The following SLC4A4 variants were observed in gnomAD, a reference collection of about 807,000 sequenced individuals.
SLC4A4 encodes electrogenic sodium bicarbonate cotransporter 1.
In SLC4A4, 27 loss-of-function variants were observed where a neutral mutation model predicts 111.5. The ratio of observed to expected loss-of-function variants is 0.24; its 90% CI spans 0.18 to 0.33. The LOEUF is 0.33. Ranked by LOEUF, SLC4A4 falls within the 10% of genes least tolerant of loss-of-function variation. SLC4A4 has a pLI of 1.00. For synonymous variants in SLC4A4, 443 were observed against 463.4 expected (o/e 0.96, Z 0.57); for missense variants, 909 against 1,315.5 (o/e 0.69, Z 4.78).
chr4:71,199,785 G>T (rs961263455), intron 1 of SLC4A4, among the ~76,000 whole-genome samples: 12 of 152,162 alleles, frequency 7.9e-5, no homozygotes, highest in Admixed American at 2.0e-4. Flanking sequence ...TGAGTAGCTG[G>T]GACTACAGGA....
chr4:71,381,743 G>A (rs367969848), intron 6 of SLC4A4, among the ~76,000 whole-genome samples: 5 of 152,128 alleles, frequency 3.3e-5, no homozygotes, highest in Non-Finnish European at 5.9e-5. Context: ...TTGGAGACAC[G>A]TCTCGCTGTG....
At chr4:71,233,072 T>C (rs1347030291) in intron 1 of SLC4A4, among the ~76,000 whole-genome samples, 2 of 152,246 alleles carry the variant, frequency 1.3e-5, no homozygotes, top group Non-Finnish European at 2.9e-5. Context: ...TGTCTACAAA[T>C]GTGTAATGGA....
intron 3 of SLC4A4, among the ~76,000 whole-genome samples, chr4:71,291,447 T>A (rs1243098889): frequency 6.9e-6 from 1 of 145,386 alleles, no homozygotes; most frequent in South Asian, 2.1e-4. Flanking sequence ...TCATGCATGA[T>A]TTTTTTTTTT....
intron 16 of SLC4A4, among the ~76,000 whole-genome samples, chr4:71,521,097 G>T (rs889814419): frequency 1.3e-5 from 2 of 152,094 alleles, no homozygotes; most frequent in Admixed American, 6.5e-5. Flanking sequence ...CTCAAGTTAA[G>T]ATAATGTGAG....
At chr4:71,231,902 AG>A (rs1237734131) in intron 1 of SLC4A4, among the ~76,000 whole-genome samples, 6 of 152,358 alleles carry the variant, frequency 3.9e-5, no homozygotes, top group Non-Finnish European at 8.8e-5. Flanking sequence ...TACTAATAAT[AG>A]CAAGCAACTG....
chr4:71,411,345 G>T (rs1721344089), intron 7 of SLC4A4, among the ~76,000 whole-genome samples: 1 of 152,022 alleles, frequency 6.6e-6, no homozygotes, highest in South Asian at 2.1e-4. Context: ...CCTTTTCAGG[G>T]AAGTTTTCTG....
intron 16 of SLC4A4, among the ~76,000 whole-genome samples, chr4:71,525,444 G>A (rs1733331903): frequency 1.3e-5 from 2 of 152,224 alleles, no homozygotes; most frequent in South Asian, 4.1e-4. Context: ...TTCATAAATT[G>A]AGGTAGAAAT....
intron 3 of SLC4A4, among the ~76,000 whole-genome samples, chr4:71,316,234 T>G (rs1726666206): frequency 6.6e-6 from 1 of 152,210 alleles, no homozygotes; most frequent in Non-Finnish European, 1.5e-5. Context: ...AATGTCATCC[T>G]CTGGGCTTCA....
chr4:71,276,873 C>T (rs1464822766), intron 3 of SLC4A4, among the ~76,000 whole-genome samples: 1 of 151,770 alleles, frequency 6.6e-6, no homozygotes, highest in African/African-American at 2.4e-5. Flanking sequence ...TATGGCAAAA[C>T]CTTGTCTCTA....
chr4:71,139,514 C>T (rs1167001727), intron 2 of SLC4A4, among the ~76,000 whole-genome samples: 1 of 152,122 alleles, frequency 6.6e-6, no homozygotes, highest in African/African-American at 2.4e-5. Flanking sequence ...ATACTTCCGA[C>T]CCTGTGGGCA....
At chr4:71,115,240 G>A (rs1479329016) in intron 2 of SLC4A4, among the ~76,000 whole-genome samples, 1 of 150,652 alleles carries the variant, frequency 6.6e-6, no homozygotes, top group Non-Finnish European at 1.5e-5. Flanking sequence ...AATGCTAGAT[G>A]ACGAGTTAGT....
chr4:71,407,781 G>GT (rs564084815), intron 7 of SLC4A4, among the ~76,000 whole-genome samples: 1,470 of 144,312 alleles, frequency 0.01, 11 homozygotes, highest in African/African-American at 0.023. Context: ...ACATTTCAAT[G>GT]TTTTTTTTTT....
At chr4:71,238,784 T>A (rs1318443757) in intron 2 of SLC4A4, among the ~76,000 whole-genome samples, 2 of 152,206 alleles carry the variant, frequency 1.3e-5, no homozygotes, top group Non-Finnish European at 2.9e-5. Flanking sequence ...TTCTCCCAAT[T>A]GACCCTCCCC....
intron 2 of SLC4A4, among the ~76,000 whole-genome samples, chr4:71,105,549 G>T (rs1742890123): frequency 6.6e-6 from 1 of 150,386 alleles, no homozygotes; most frequent in African/African-American, 2.5e-5. Flanking sequence ...AACCAAAACA[G>T]CATGGTACTG....
At chr4:71,338,100 T>A (rs955157138) in intron 3 of SLC4A4, among the ~76,000 whole-genome samples, 7 of 152,166 alleles carry the variant, frequency 4.6e-5, no homozygotes, top group African/African-American at 1.4e-4. Flanking sequence ...CCCAAAGTGT[T>A]GGGATCGCAG....
intron 6 of SLC4A4, among the ~76,000 whole-genome samples, chr4:71,375,613 C>T (rs1458261137): frequency 6.6e-6 from 1 of 152,160 alleles, no homozygotes; most frequent in Non-Finnish European, 1.5e-5. Context: ...CTACTTTGCA[C>T]TATAATGTAT....
At chr4:71,512,798 G>T (rs1308815212) in intron 16 of SLC4A4, among the ~76,000 whole-genome samples, 5 of 152,128 alleles carry the variant, frequency 3.3e-5, no homozygotes, top group Non-Finnish European at 7.4e-5. Context: ...TCAATGTTGA[G>T]TTGATGTTTG....
At chr4:71,459,737 T>C (rs1726643619) in intron 12 of SLC4A4, among the ~76,000 whole-genome samples, 2 of 152,078 alleles carry the variant, frequency 1.3e-5, no homozygotes, top group African/African-American at 4.8e-5. Context: ...TTTTTGATAT[T>C]TGTTTCAAAT....
At chr4:71,304,856 C>T (rs1725557437) in intron 3 of SLC4A4, among the ~76,000 whole-genome samples, 1 of 152,122 alleles carries the variant, frequency 6.6e-6, no homozygotes. Flanking sequence ...TACTGAAAAA[C>T]CTTACTTTTA....
Sources: gnomAD v4.1 joint callset for allele counts (sites outside exome capture counted in the v4.1 genomes callset) on GRCh38, gnomAD v4.1.1 for gene constraint, MANE v1.5 for transcripts, NCBI Gene and HGNC (gene_info 2026-07-23, HGNC 2026-07-21) for gene names.